ANKRD62: variants seen among roughly 807,000 people sequenced by gnomAD.
The protein encoded by ANKRD62 is ankyrin repeat domain-containing protein 62.
A neutral mutation model predicts 98.8 loss-of-function variants in ANKRD62; 61 were observed. That is an observed-to-expected ratio of 0.62 (90% CI 0.50 to 0.76). The LOEUF (loss-of-function observed/expected upper bound fraction) is 0.76, where lower values mean the gene tolerates loss of function less well. Ranked by LOEUF, ANKRD62 falls within the 30% of genes least tolerant of loss-of-function variation. ANKRD62 has a pLI of 0.00. For missense variants in ANKRD62, 933 were observed against 1,082.9 expected (o/e 0.86, Z 1.94); for synonymous variants, 341 against 367.9 (o/e 0.93, Z 0.84).
At chr18:12,131,652 A>T (rs980734173), downstream of ANKRD62, among the ~76,000 whole-genome samples, 12 of 152,094 alleles carry the variant, frequency 7.9e-5, no homozygotes, top group Non-Finnish European at 1.3e-4. Context: ...GAGATGCTAG[A>T]CTCATGTATC....
the ANKRD62 span, among the ~76,000 whole-genome samples, chr18:12,175,444 G>C: frequency 3.4e-4 from 52 of 152,176 alleles, no homozygotes; most frequent in African/African-American, 1.1e-3. Context: ...CATGTGGGTC[G>C]GACAAGGAAA....
rs371799598 is a variant in ANKRD62 at position 12,100,620 on chromosome 18, G to A, written c.820+938G>A. The stretch of plus-strand genomic sequence containing the variant: ...ATAAGAACTGTACCAATACCAATAG[G>A]ATGTTATTTTTTAAAGATACCTACT... On this transcript the variant is annotated intron_variant, in intron 6 of 13. Coordinates refer to ENST00000587848, the MANE Select transcript of ANKRD62 (RefSeq NM_001277333.2). Among the ~76,000 whole-genome samples, 5 of 152,098 alleles carry A rather than the reference G, an allele frequency of 3.3e-5. No individual in the cohort carries two copies. The South Asian group carries it at 8.3e-4, about 25-fold the overall frequency.
chr18:12,101,225 T>C (rs933195385), intron 6 of ANKRD62, among the ~76,000 whole-genome samples: 6 of 152,318 alleles, frequency 3.9e-5, no homozygotes, highest in Admixed American at 3.9e-4. Context: ...AAACAATTCA[T>C]AGAATACATT....
At chr18:12,115,961 G>T (rs1246564897) in intron 10 of ANKRD62, among the ~76,000 whole-genome samples, 1 of 151,944 alleles carries the variant, frequency 6.6e-6, no homozygotes, top group Non-Finnish European at 1.5e-5. Flanking sequence ...ACACCCAACT[G>T]CCACTTGTCA....
At chr18:12,110,128 A>G (rs924550863) in intron 8 of ANKRD62, among the ~76,000 whole-genome samples, 2 of 152,112 alleles carry the variant, frequency 1.3e-5, no homozygotes, top group Admixed American at 6.5e-5. Context: ...ACCACACCAT[A>G]TTTTTCATTA....
intron 13 of ANKRD62, among the ~76,000 whole-genome samples, chr18:12,126,783 T>A (rs993073924): frequency 5.3e-5 from 8 of 152,360 alleles, no homozygotes; most frequent in African/African-American, 1.9e-4. Flanking sequence ...TAGATTACTT[T>A]GACAGTTAAT....
chr18:12,101,936 C>T (rs1369692103), intron 6 of ANKRD62: 2 of 823,764 alleles, frequency 2.4e-6, no homozygotes, highest in Non-Finnish European at 4.3e-6. Flanking sequence ...AATGGCATGA[C>T]AAAGCAGAGG....
intron 8 of ANKRD62, 68 bp downstream of exon 8, chr18:12,107,535 G>A: frequency 8.2e-7 from 1 of 1,213,828 alleles, no homozygotes; most frequent in East Asian, 3.1e-5. Flanking sequence ...TCTAATTTGG[G>A]TTAATATGTA....
chr18:12,129,455 CAGGTAAT>C lies in ANKRD62; in HGVS notation c.*1520_*1526del, dbSNP rs1478057448. 6.6e-6 allele frequency: 1 copy of C among 152,066 alleles called. No individual in the cohort carries two copies. Among genetic ancestry groups the C allele is most frequent in the Non-Finnish European group, 1.5e-5 (1 of 68,070 alleles). The allele number at this position is 152,066 out of a possible 1,614,324, so 9.4% of individuals were successfully genotyped here. A position where few individuals can be genotyped will look rare whatever the true frequency, so the allele number is the denominator to read the frequency against. On this transcript the variant is annotated 3_prime_UTR_variant, in exon 14 of 14. Coordinates refer to ENST00000587848, the MANE Select transcript of ANKRD62 (RefSeq NM_001277333.2). ...ATTCCAGTAAAATTTAGTTAAAAAA[CAGGTAAT>C]AGGGGCCAGGCACGGTGGCTCACGC...
the ANKRD62 span, among the ~76,000 whole-genome samples, chr18:12,138,187 C>T: frequency 6.6e-6 from 1 of 152,094 alleles, no homozygotes; most frequent in Non-Finnish European, 1.5e-5. Context: ...GCATTTAGTG[C>T]TATAAATTTC....
At chr18:12,114,488 A>G (rs966594466) in intron 8 of ANKRD62, among the ~76,000 whole-genome samples, 2 of 152,206 alleles carry the variant, frequency 1.3e-5, no homozygotes, top group African/African-American at 4.8e-5. Flanking sequence ...CTGCTATTGA[A>G]CAGTTTTATG....
the ANKRD62 span, among the ~76,000 whole-genome samples, chr18:12,168,232 T>C: frequency 1.3e-5 from 2 of 152,212 alleles, no homozygotes; most frequent in Non-Finnish European, 2.9e-5. Flanking sequence ...TGAATGGTAT[T>C]GCCTAGGTTT....
the ANKRD62 span, among the ~76,000 whole-genome samples, chr18:12,174,894 C>T: frequency 5.3e-5 from 8 of 152,328 alleles, no homozygotes; most frequent in African/African-American, 1.7e-4. Flanking sequence ...GCTTGCAGAA[C>T]GTTGGTCACT....
intron 4 of ANKRD62, 46 bp downstream of exon 4, chr18:12,096,348 C>A: frequency 2.7e-6 from 3 of 1,113,254 alleles, no homozygotes; most frequent in South Asian, 1.5e-5. Flanking sequence ...GAGTGGTGTT[C>A]TAGAGTGGTA....
chr18:12,122,585 A>G (rs1296098775), intron 11 of ANKRD62, 69 bp downstream of exon 11: 26 of 1,289,000 alleles, frequency 2.0e-5, no homozygotes, highest in Non-Finnish European at 2.4e-5. Flanking sequence ...TAATTTTTGT[A>G]ATAGCTGACT....
chr18:12,117,942 A>C (rs1441637433), intron 10 of ANKRD62, among the ~76,000 whole-genome samples: 2 of 152,162 alleles, frequency 1.3e-5, no homozygotes, highest in African/African-American at 4.8e-5. Context: ...TTCACAGCAA[A>C]ATTGAGAGGA....
chr18:12,145,482 C>CT, the ANKRD62 span, among the ~76,000 whole-genome samples: 1 of 152,156 alleles, frequency 6.6e-6, no homozygotes, highest in East Asian at 1.9e-4. Flanking sequence ...GGCCAGGCTG[C>CT]TTTTTTTAAG....
the ANKRD62 span, among the ~76,000 whole-genome samples, chr18:12,169,465 C>A: frequency 1.8e-4 from 28 of 152,146 alleles, no homozygotes; most frequent in Admixed American, 1.6e-3. Flanking sequence ...ACCAGCCTTG[C>A]ATCCCAGGGA....
In ANKRD62 at chr18:12,093,874, G is replaced by T. The variant is rs530775605; in HGVS notation, c.-144G>T. 7.0e-5 allele frequency: 52 copies of T among 741,200 alleles called. 1 individual carries two copies. In the African/African-American group the frequency reaches 8.5e-4, roughly 12 times the overall value. 45.9% of individuals were successfully genotyped at this position (741,200 alleles called of 1,614,324 possible). A position where few individuals can be genotyped will look rare whatever the true frequency, so the allele number is the denominator to read the frequency against. ...GCTGGGCTAGGTGCTCCTCCGAGCA[G>T]CTGGAGACTGGAGTGTCCCTGACGG... is the stretch of plus-strand genomic sequence containing the variant. On this transcript the variant is annotated 5_prime_UTR_variant, in exon 1 of 14. Transcript: ENST00000587848.
Sources: allele counts gnomAD v4.1 joint callset (sites outside exome capture counted in the v4.1 genomes callset), GRCh38; gene constraint gnomAD v4.1.1; transcripts MANE v1.5; gene names NCBI Gene and HGNC (gene_info 2026-07-23, HGNC 2026-07-21).